The following ARHGAP10 variants were observed in gnomAD, a reference collection of about 807,000 sequenced individuals.
The protein encoded by ARHGAP10 is rho GTPase-activating protein 10.
Under a neutral mutation model 108.6 loss-of-function variants are expected in ARHGAP10, and 87 were observed. That is an observed-to-expected ratio of 0.80 (90% CI 0.67 to 0.96). The LOEUF (loss-of-function observed/expected upper bound fraction) is 0.96. Among genes scored for constraint, ARHGAP10 ranks in the 40% least tolerant of loss-of-function variants. The pLI is 0.00. For missense variants in ARHGAP10, 939 were observed against 954.5 expected, an observed-to-expected ratio of 0.98 and a Z score of 0.21; for synonymous variants, 347 against 341.1, an observed-to-expected ratio of 1.02 and a Z score of -0.19.
Position 147,955,385 on chromosome 4 carries a change from T to G in ARHGAP10, c.1450+11T>G. On this transcript the variant is annotated intron_variant, in intron 16 of 22. Coordinates refer to ENST00000336498, the MANE Select transcript of ARHGAP10 (RefSeq NM_024605.4). Reference sequence around the variant, plus strand: ...TCATTGTTCCAGCCAGTAAGTATTATGTAAAGGTATATAGGAACAGTTTTG... The same window carrying G: ...TCATTGTTCCAGCCAGTAAGTATTAGGTAAAGGTATATAGGAACAGTTTTG... 1 of 1,606,924 alleles carries G rather than the reference T, an allele frequency of 6.2e-7. No homozygotes were observed. The highest frequency in any genetic ancestry group is 8.5e-7 in the Non-Finnish European group (1 of 1,174,470).
intron 3 of ARHGAP10, among the ~76,000 whole-genome samples, chr4:147,846,090 AG>A (rs1395150715): frequency 6.6e-6 from 1 of 152,116 alleles, no homozygotes; most frequent in African/African-American, 2.4e-5. Context: ...GGTGGGAGTG[AG>A]GGGAATCCAG....
chr4:147,759,585 C>G (rs1729512700), intron 1 of ARHGAP10, among the ~76,000 whole-genome samples: 1 of 151,688 alleles, frequency 6.6e-6, no homozygotes, highest in East Asian at 1.9e-4. Flanking sequence ...ACACCGCCCC[C>G]CCCCCCCTTT....
Position 147,965,005 on chromosome 4 carries a change from AT to A in ARHGAP10, c.1451-17del. Reference sequence around the variant, plus strand: ...CTTTTTCTTTATTTTTTTCTTTATTATTATTTTTTTTTTGGAAGAAAGCGGC... The same window carrying A: ...CTTTTTCTTTATTTTTTTCTTTATTATATTTTTTTTTTGGAAGAAAGCGGC... On this transcript the variant is annotated intron_variant, in intron 16 of 22. Transcript: ENST00000336498. 1.3e-6 allele frequency: 2 copies of A among 1,489,696 alleles called. No homozygotes were observed. Among genetic ancestry groups the A allele is most frequent in the Non-Finnish European group, 1.8e-6 (2 of 1,111,292 alleles). The allele number at this position is 1,489,696 out of a possible 1,614,324, so 92.3% of individuals were successfully genotyped here.
intron 6 of ARHGAP10, 127 bp from the exon 7 acceptor site, chr4:147,866,585 T>C (rs1734572971): frequency 1.6e-6 from 1 of 630,978 alleles, no homozygotes; most frequent in Admixed American, 3.1e-5. Flanking sequence ...ATTAGTGACT[T>C]CCCTTTAATC....
intron 1 of ARHGAP10, among the ~76,000 whole-genome samples, chr4:147,794,310 CTCAT>C (rs1731231635): frequency 6.6e-6 from 1 of 152,176 alleles, no homozygotes; most frequent in Non-Finnish European, 1.5e-5. Flanking sequence ...TGTGCACTCA[CTCAT>C]GATTAGGCAG....
At chr4:147,869,192 G>A (rs531630625) in intron 7 of ARHGAP10, among the ~76,000 whole-genome samples, 2 of 152,098 alleles carry the variant, frequency 1.3e-5, no homozygotes, top group African/African-American at 4.8e-5. Context: ...TCTTCTGAGC[G>A]CAGGGCCCTG....
chr4:147,783,956 GTATTA>G (rs546222940), intron 1 of ARHGAP10, among the ~76,000 whole-genome samples: 10 of 123,846 alleles, frequency 8.1e-5, no homozygotes, highest in African/African-American at 3.2e-4. Context: ...ATTAAATTGT[GTATTA>G]TATTTATATA....
intron 3 of ARHGAP10, among the ~76,000 whole-genome samples, chr4:147,835,321 C>T (rs1733123246): frequency 1.3e-5 from 2 of 152,172 alleles, no homozygotes; most frequent in African/African-American, 4.8e-5. Context: ...AAGCTTTTGT[C>T]ATTGATTAAA....
intron 3 of ARHGAP10, among the ~76,000 whole-genome samples, chr4:147,843,676 C>T (rs1733510900): frequency 6.6e-6 from 1 of 152,050 alleles, no homozygotes; most frequent in Non-Finnish European, 1.5e-5. Context: ...ACAGGCACTG[C>T]CCGGCTAATT....
chr4:148,044,920 T>A (rs894810459), intron 19 of ARHGAP10, among the ~76,000 whole-genome samples: 4 of 152,060 alleles, frequency 2.6e-5, no homozygotes, highest in Admixed American at 2.0e-4. Context: ...TAGCTAAACG[T>A]TTTTTGTGGT....
At chr4:147,790,364 G>A (rs1455538014) in intron 1 of ARHGAP10, among the ~76,000 whole-genome samples, 1 of 152,114 alleles carries the variant, frequency 6.6e-6, no homozygotes, top group Non-Finnish European at 1.5e-5. Context: ...GAATTTTGGG[G>A]GAAACGCAAA....
chr4:147,901,929 C>G (rs1736266055), intron 10 of ARHGAP10, among the ~76,000 whole-genome samples: 1 of 152,180 alleles, frequency 6.6e-6, no homozygotes, highest in Non-Finnish European at 1.5e-5. Context: ...CAAAAAGGAA[C>G]TAGAGAGGAC....
chr4:147,824,676 G>T (rs1732635004), intron 3 of ARHGAP10, among the ~76,000 whole-genome samples: 1 of 152,176 alleles, frequency 6.6e-6, no homozygotes, highest in Non-Finnish European at 1.5e-5. Context: ...CAGGGGAAAT[G>T]CCAGATGCTT....
At chr4:147,762,543 T>C (rs1729634458) in intron 1 of ARHGAP10, among the ~76,000 whole-genome samples, 1 of 151,570 alleles carries the variant, frequency 6.6e-6, no homozygotes, top group Non-Finnish European at 1.5e-5. Flanking sequence ...TTTATTTATT[T>C]TTTTTGAGAC....
intron 13 of ARHGAP10, among the ~76,000 whole-genome samples, chr4:147,937,681 G>A (rs1410064376): frequency 1.3e-5 from 2 of 152,058 alleles, no homozygotes; most frequent in African/African-American, 4.8e-5. Flanking sequence ...GTGATAGACT[G>A]GATAAAGAAA....
At chr4:148,036,822 G>C (rs571429916) in intron 19 of ARHGAP10, among the ~76,000 whole-genome samples, 1 of 152,274 alleles carries the variant, frequency 6.6e-6, no homozygotes, top group South Asian at 2.1e-4. Flanking sequence ...ATGCTGCTCA[G>C]ACTGCTCTGT....
At chr4:147,920,756 T>C (rs1221580113) in intron 13 of ARHGAP10, among the ~76,000 whole-genome samples, 2 of 152,226 alleles carry the variant, frequency 1.3e-5, no homozygotes, top group Non-Finnish European at 2.9e-5. Context: ...GAGTGCATGT[T>C]GAAGGATTGG....
At position 147,879,229 on chromosome 4, in the gene ARHGAP10, A is replaced by G; in HGVS notation, c.833-3A>G. 3.1e-6 allele frequency: 5 copies of G among 1,605,922 alleles called. No individual in the cohort carries two copies. Among genetic ancestry groups the G allele is most frequent in the Non-Finnish European group, 4.2e-6 (5 of 1,177,448 alleles). On this transcript the variant is annotated splice_polypyrimidine_tract_variant and splice_region_variant and intron_variant, in intron 8 of 22. Transcript: ENST00000336498. ...AATATAAAGGGCTGTTTTTTTGTTGAAGGGCCTGCTCCGTTTGGTTCCAGT... is the reference window on the plus strand; with the variant it reads ...AATATAAAGGGCTGTTTTTTTGTTGGAGGGCCTGCTCCGTTTGGTTCCAGT...
At chr4:148,045,697 C>T (rs1728845232) in intron 19 of ARHGAP10, among the ~76,000 whole-genome samples, 1 of 144,356 alleles carries the variant, frequency 6.9e-6, no homozygotes, top group Non-Finnish European at 1.5e-5. Flanking sequence ...GAGATCGCGC[C>T]ATTGCACTCC....
Sources: allele counts gnomAD v4.1 joint callset (sites outside exome capture counted in the v4.1 genomes callset), GRCh38; gene constraint gnomAD v4.1.1; transcripts MANE v1.5; gene names NCBI Gene and HGNC (gene_info 2026-07-23, HGNC 2026-07-21).